The following GCC2 variants were observed in gnomAD, a reference collection of about 807,000 sequenced individuals.
GCC2 encodes GRIP and coiled-coil domain containing 2, also known as GRIP and coiled-coil domain-containing protein 2.
GCC2 carries 120 observed loss-of-function variants against 210.6 expected under a neutral mutation model. The ratio of observed to expected loss-of-function variants is 0.57; its 90% CI spans 0.49 to 0.66. The LOEUF (loss-of-function observed/expected upper bound fraction) is 0.66, where lower values mean the gene tolerates loss of function less well. GCC2 is among the 30% of genes least tolerant of loss of function. GCC2 has a pLI of 0.00. For missense variants in GCC2, 1,868 were observed against 1,871.9 expected (o/e 1.00, Z 0.04); for synonymous variants, 703 against 652.7 (o/e 1.08, Z -1.17).
intron 22 of GCC2, among the ~76,000 whole-genome samples, chr2:108,500,863 T>C (rs1210403833): frequency 6.6e-6 from 1 of 152,180 alleles, no homozygotes; most frequent in Admixed American, 6.5e-5. Context: ...ATTCAATGTT[T>C]ATTGGATTTC....
chr2:108,492,894 A>C, intron 19 of GCC2, 104 bp downstream of exon 19: 1 of 817,872 alleles, frequency 1.2e-6, no homozygotes, highest in Non-Finnish European at 2.0e-6. Context: ...ACTAGGTGTC[A>C]CCAGTGTCAA....
chr2:108,475,715 A>AG, intron 8 of GCC2, 37 bp from the exon 9 acceptor site: 1 of 1,512,652 alleles, frequency 6.6e-7, no homozygotes, highest in Admixed American at 2.0e-5. Flanking sequence ...TTAAAAAAAA[A>AG]CAAAAACCTC....
chr2:108,452,494 AGAG>A (rs764871745), intron 4 of GCC2, 28 bp downstream of exon 4: 1 of 1,314,176 alleles, frequency 7.6e-7, no homozygotes, highest in Non-Finnish European at 1.1e-6. Context: ...AAATGTCTAA[AGAG>A]AAATAAAATT....
intron 4 of GCC2, among the ~76,000 whole-genome samples, chr2:108,461,522 C>T (rs945946482): frequency 6.6e-6 from 1 of 151,872 alleles, no homozygotes; most frequent in Non-Finnish European, 1.5e-5. Flanking sequence ...GTTTTGTTTT[C>T]GAGGCATAGT....
chr2:108,457,576 T>C (rs1267121079), intron 4 of GCC2, among the ~76,000 whole-genome samples: 1 of 152,192 alleles, frequency 6.6e-6, no homozygotes, highest in African/African-American at 2.4e-5. Context: ...TTAGTTTGGA[T>C]AGTATGATCA....
At position 108,475,520 on chromosome 2, in the gene GCC2, ATTTT is replaced by A; in HGVS notation, c.2861-14_2861-11del. ...TTTTGAGTTCGTATGTAATCCATTT[ATTTT>A]CTATTTTTAGAAAATCTGGAAAAAG... On this transcript the variant is annotated splice_polypyrimidine_tract_variant and intron_variant, in intron 7 of 22. Coordinates refer to ENST00000309863, the MANE Select transcript of GCC2 (RefSeq NM_181453.4). The A allele has an allele frequency of 8.0e-7, 1 of 1,244,722 alleles. No individual in the cohort carries two copies. Among genetic ancestry groups the A allele is most frequent in the East Asian group, 2.4e-5 (1 of 42,090 alleles). The allele number at this position is 1,244,722 out of a possible 1,614,324, so 77.1% of individuals were successfully genotyped here.
At chr2:108,456,651 G>T (rs1224211281) in intron 4 of GCC2, among the ~76,000 whole-genome samples, 1 of 152,034 alleles carries the variant, frequency 6.6e-6, no homozygotes, top group Non-Finnish European at 1.5e-5. Context: ...TCTTCTTCAT[G>T]CTGTTGATTG....
intron 4 of GCC2, among the ~76,000 whole-genome samples, chr2:108,465,553 G>C (rs1228313932): frequency 6.6e-6 from 1 of 151,994 alleles, no homozygotes; most frequent in Non-Finnish European, 1.5e-5. Flanking sequence ...ACTCTGTATG[G>C]CTTTGCATAC....
chr2:108,472,129 T>TGAAACAATA lies in GCC2; in HGVS notation c.2787+16_2787+17insACAATAGAA. 1.4e-6 allele frequency: 2 copies of TGAAACAATA among 1,443,464 alleles called. No homozygotes were observed. The highest frequency in any genetic ancestry group is 1.8e-6 in the Non-Finnish European group (2 of 1,083,534). 89.4% of individuals were successfully genotyped at this position (1,443,464 alleles called of 1,614,324 possible). ...GATACTATTAAAGGTACCATTCATT[T>TGAAACAATA]GAATTCTATTGTTTCAAATAAATTC... On this transcript the variant is annotated intron_variant, in intron 6 of 22. Transcript: ENST00000309863.
chr2:108,501,480 A>C (rs1408504591), intron 22 of GCC2, among the ~76,000 whole-genome samples: 2 of 152,058 alleles, frequency 1.3e-5, no homozygotes, highest in Admixed American at 6.6e-5. Flanking sequence ...GTGGACAAAA[A>C]CACATCATAG....
At chr2:108,485,130 A>G (rs1217751878) in intron 13 of GCC2, among the ~76,000 whole-genome samples, 4 of 147,592 alleles carry the variant, frequency 2.7e-5, no homozygotes, top group South Asian at 4.6e-4. Flanking sequence ...GTGAGATCAC[A>G]TGGACACAGG....
intron 2 of GCC2, 146 bp from the exon 3 acceptor site, chr2:108,450,881 CA>C (rs537360874): frequency 3.8e-3 from 2,164 of 565,736 alleles, no homozygotes; most frequent in South Asian, 6.2e-3. Flanking sequence ...GACTCTGTCT[CA>C]AAAAAAAAAT....
chr2:108,484,358 C>A (rs1296573119), intron 13 of GCC2, 47 bp downstream of exon 13: 4 of 1,127,370 alleles, frequency 3.5e-6, no homozygotes, highest in Non-Finnish European at 5.0e-6. Context: ...TTCATCATAA[C>A]AACTTGATTT....
At chr2:108,480,464 A>G (rs1035743056) in intron 9 of GCC2, among the ~76,000 whole-genome samples, 2 of 152,242 alleles carry the variant, frequency 1.3e-5, no homozygotes, top group African/African-American at 4.8e-5. Context: ...TGTTCTCTGC[A>G]GCACTATTCA....
chr2:108,497,358 C>T (rs1262740600), intron 21 of GCC2, among the ~76,000 whole-genome samples: 9 of 152,158 alleles, frequency 5.9e-5, no homozygotes, highest in African/African-American at 1.2e-4. Context: ...CCTCGTGATC[C>T]GCCTGCCTTG....
chr2:108,476,080 T>G (rs1017811616), intron 9 of GCC2, among the ~76,000 whole-genome samples: 2 of 108,654 alleles, frequency 1.8e-5, no homozygotes, highest in Non-Finnish European at 3.8e-5. Context: ...TTTTTTTTTT[T>G]GATGAAGTCT....
At chr2:108,464,294 T>C (rs1358223612) in intron 4 of GCC2, among the ~76,000 whole-genome samples, 2 of 152,160 alleles carry the variant, frequency 1.3e-5, no homozygotes, top group African/African-American at 4.8e-5. Context: ...TTCATGAGAA[T>C]GCTCAGCCAC....
intron 12 of GCC2, among the ~76,000 whole-genome samples, chr2:108,483,852 A>AT (rs1681996516): frequency 6.6e-6 from 1 of 152,230 alleles, no homozygotes. Context: ...CACTTGACAT[A>AT]TTAGTATTTT....
At chr2:108,468,177 T>G (rs1681002905) in intron 4 of GCC2, among the ~76,000 whole-genome samples, 1 of 152,098 alleles carries the variant, frequency 6.6e-6, no homozygotes. Context: ...TTCTCCTGCC[T>G]TAGCCTCCAG....
Sources: gnomAD v4.1 joint callset for allele counts (sites outside exome capture counted in the v4.1 genomes callset) on GRCh38, gnomAD v4.1.1 for gene constraint, MANE v1.5 for transcripts, NCBI Gene and HGNC (gene_info 2026-07-23, HGNC 2026-07-21) for gene names.